The following PRDM5 variants were observed in gnomAD, a reference collection of about 807,000 sequenced individuals.
The protein encoded by PRDM5 is PR/SET domain 5, also known as PR domain zinc finger protein 5.
PRDM5 carries 56 observed loss-of-function variants against 81.2 expected under a neutral mutation model. That is an observed-to-expected ratio of 0.69 (90% CI 0.56 to 0.86). PRDM5 has a LOEUF of 0.86. PRDM5 is among the 40% of genes least tolerant of loss of function. The probability of loss-of-function intolerance (pLI) is 0.00; values close to 1 mark genes in which losing one functional copy is unlikely to be tolerated. For missense variants in PRDM5, 697 were observed against 770.1 expected, an observed-to-expected ratio of 0.91 and a Z score of 1.12; for synonymous variants, 267 against 256.4, an observed-to-expected ratio of 1.04 and a Z score of -0.39.
intron 13 of PRDM5, among the ~76,000 whole-genome samples, chr4:120,759,023 G>A (rs575295796): frequency 1.7e-4 from 26 of 151,894 alleles, no homozygotes; most frequent in African/African-American, 5.6e-4. Flanking sequence ...CCAAAGTGCT[G>A]GGATTACAGG....
chr4:120,777,644 C>A (rs186212349), intron 12 of PRDM5, among the ~76,000 whole-genome samples: 1 of 152,198 alleles, frequency 6.6e-6, no homozygotes, highest in East Asian at 1.9e-4. Flanking sequence ...TCATTTGAAG[C>A]ATTTTTCACA....
intron 3 of PRDM5, among the ~76,000 whole-genome samples, chr4:120,823,043 A>C (rs890339734): frequency 1.3e-5 from 2 of 152,176 alleles, no homozygotes; most frequent in Non-Finnish European, 2.9e-5. Flanking sequence ...CAAAAGCAGC[A>C]TTTTCCAGGT....
At position 120,902,071 on chromosome 4, in the gene PRDM5, T is replaced by C. The variant is rs550226015; in HGVS notation, c.177+5403A>G. Among the ~76,000 whole-genome samples the C allele has an allele frequency of 1.3e-4, 20 of 152,338 alleles. No homozygotes were observed. In the South Asian group the frequency reaches 2.5e-3, roughly 19 times the overall value. On this transcript the variant is annotated intron_variant, in intron 2 of 15. Transcript: ENST00000264808. ...TCTGAGAACTTATCAGGGCAGTTTC[T>C]ACACAAAACCTGTTGCAAGCATCCC...
At chr4:120,711,284 C>A (rs1736936628) in intron 14 of PRDM5, among the ~76,000 whole-genome samples, 2 of 151,944 alleles carry the variant, frequency 1.3e-5, no homozygotes, top group Non-Finnish European at 2.9e-5. Flanking sequence ...AAAAATGAAT[C>A]AACTGTGATT....
At chr4:120,725,316 T>C (rs1042860393) in intron 14 of PRDM5, among the ~76,000 whole-genome samples, 1 of 151,060 alleles carries the variant, frequency 6.6e-6, no homozygotes, top group Non-Finnish European at 1.5e-5. Flanking sequence ...CAATCTTCTT[T>C]CACAAATGGG....
chr4:120,905,370 C>A (rs535812392), intron 2 of PRDM5, among the ~76,000 whole-genome samples: 1 of 152,190 alleles, frequency 6.6e-6, no homozygotes, highest in South Asian at 2.1e-4. Context: ...TTTAATCAAA[C>A]GCTGATATAG....
intron 14 of PRDM5, among the ~76,000 whole-genome samples, chr4:120,719,633 C>T (rs973973616): frequency 1.3e-5 from 2 of 151,994 alleles, no homozygotes; most frequent in Admixed American, 1.3e-4. Flanking sequence ...TACACTTACA[C>T]CTTGAATTAG....
chr4:120,875,880 C>T (rs343201), intron 2 of PRDM5, among the ~76,000 whole-genome samples: 90,068 of 151,974 alleles, frequency 0.59, 26,975 homozygotes, highest in African/African-American at 0.66. Context: ...AGCCACGTTG[C>T]TTCTAAACAG....
chr4:120,746,478 C>A (rs796088002), intron 14 of PRDM5, among the ~76,000 whole-genome samples: 13,118 of 140,540 alleles, frequency 0.093, 642 homozygotes, highest in South Asian at 0.2. Context: ...AAAGAAACTA[C>A]CATCAGAGTG....
intron 15 of PRDM5, among the ~76,000 whole-genome samples, chr4:120,704,296 C>T (rs1378208816): frequency 6.6e-6 from 1 of 152,132 alleles, no homozygotes; most frequent in African/African-American, 2.4e-5. Flanking sequence ...GTAAAAGACT[C>T]CAAATGATGC....
At chr4:120,798,149 T>C in intron 10 of PRDM5, 118 bp downstream of exon 10, 1 of 683,470 alleles carries the variant, frequency 1.5e-6, no homozygotes, top group South Asian at 2.6e-5. Flanking sequence ...AGTGATCTTC[T>C]CTAGTTGTTG....
chr4:120,711,241 C>T (rs1270493757), intron 14 of PRDM5, among the ~76,000 whole-genome samples: 1 of 152,122 alleles, frequency 6.6e-6, no homozygotes, highest in African/African-American at 2.4e-5. Context: ...AACTTTAGAA[C>T]TAAATTTTCT....
At chr4:120,844,752 T>C (rs1758457360) in intron 3 of PRDM5, among the ~76,000 whole-genome samples, 1 of 152,174 alleles carries the variant, frequency 6.6e-6, no homozygotes, top group Non-Finnish European at 1.5e-5. Context: ...TCACTTTAAA[T>C]CAAAAGCTAG....
intron 2 of PRDM5, among the ~76,000 whole-genome samples, chr4:120,891,907 G>A (rs1764090564): frequency 6.6e-6 from 1 of 152,164 alleles, no homozygotes. Flanking sequence ...TGGGATTACA[G>A]GCATGAGCCA....
At chr4:120,781,681 A>G (rs1749059466) in intron 11 of PRDM5, among the ~76,000 whole-genome samples, 1 of 152,188 alleles carries the variant, frequency 6.6e-6, no homozygotes, top group East Asian at 1.9e-4. Flanking sequence ...CCCCTCCCAA[A>G]GTTCCCTCAA....
chr4:120,859,209 C>CTT (rs373788259), intron 2 of PRDM5, among the ~76,000 whole-genome samples: 97 of 134,708 alleles, frequency 7.2e-4, no homozygotes, highest in Non-Finnish European at 4.5e-4. Context: ...ACCATGTCAA[C>CTT]TTTTTTTTTT....
chr4:120,907,490 T>A lies in PRDM5; in HGVS notation c.161A>T (p.Tyr54Phe), dbSNP rs762968750. 1 of 1,609,844 alleles carries A rather than the reference T, an allele frequency of 6.2e-7. No homozygotes were observed. Among genetic ancestry groups the A allele is most frequent in the Non-Finnish European group, 8.5e-7 (1 of 1,176,148 alleles). ...TATCCTCACCTCCCACATCAACCTG[T>A]AATCCATATTTTCATCCAAGTCTTC... ...MPEDLDENMDYRLMWEVRGSK... is the reference protein window; with the variant it reads ...MPEDLDENMDFRLMWEVRGSK... The change falls in exon 2 of 16, where the codon TAC becomes TTC. Residue 54 changes from tyrosine (Y) to phenylalanine (F), a missense_variant. Transcript: ENST00000264808.
At chr4:120,861,835 C>G (rs1290680233) in intron 2 of PRDM5, among the ~76,000 whole-genome samples, 1 of 151,878 alleles carries the variant, frequency 6.6e-6, no homozygotes, top group Non-Finnish European at 1.5e-5. Flanking sequence ...GGAGAAGATG[C>G]TTTGTATCTG....
intron 14 of PRDM5, among the ~76,000 whole-genome samples, chr4:120,712,526 C>T (rs1031588139): frequency 1.3e-5 from 2 of 152,134 alleles, no homozygotes; most frequent in African/African-American, 4.8e-5. Context: ...CTGCAGCACT[C>T]TCCCATCTCC....
Sources: allele counts gnomAD v4.1 joint callset (sites outside exome capture counted in the v4.1 genomes callset), GRCh38; gene constraint gnomAD v4.1.1; transcripts MANE v1.5; gene names NCBI Gene and HGNC (gene_info 2026-07-23, HGNC 2026-07-21).